C10orf90: variants seen among roughly 807,000 people sequenced by gnomAD.
C10orf90 encodes (E2-independent) E3 ubiquitin-conjugating enzyme FATS.
Under a neutral mutation model 62.5 loss-of-function variants are expected in C10orf90, and 56 were observed. The observed-to-expected ratio is 0.90, with a 90% CI of 0.72 to 1.12. The LOEUF is 1.12. Among genes scored for constraint, C10orf90 ranks in the 50% most tolerant of loss-of-function variants. The pLI is 0.00. For missense variants in C10orf90, 970 were observed against 880.4 expected (o/e 1.10, Z -1.29); for synonymous variants, 386 against 340.4 (o/e 1.13, Z -1.47).
At chr10:126,509,942 G>A (rs1332693316) in intron 3 of C10orf90, among the ~76,000 whole-genome samples, 2 of 152,166 alleles carry the variant, frequency 1.3e-5, no homozygotes, top group African/African-American at 4.8e-5. Context: ...TCTAGGAGGT[G>A]GAAATCTGAG....
chr10:126,568,060 C>T (rs556089881), intron 2 of C10orf90, among the ~76,000 whole-genome samples: 132 of 152,178 alleles, frequency 8.7e-4, no homozygotes, highest in Non-Finnish European at 1.6e-3. Context: ...TAGGCCACTT[C>T]CTAAGCTTAG....
chr10:126,614,732 G>A (rs1489231977), intron 2 of C10orf90, among the ~76,000 whole-genome samples: 2 of 152,188 alleles, frequency 1.3e-5, no homozygotes, highest in African/African-American at 4.8e-5. Flanking sequence ...GTTGCTCGAT[G>A]ACTCCAAAGG....
chr10:126,605,696 C>A (rs890756024), intron 2 of C10orf90, among the ~76,000 whole-genome samples: 21 of 152,256 alleles, frequency 1.4e-4, no homozygotes, highest in African/African-American at 4.6e-4. Flanking sequence ...TGGAGCCTGC[C>A]AGGCTGCCTG....
chr10:126,454,490 T>C (rs975783958), intron 7 of C10orf90, among the ~76,000 whole-genome samples: 1 of 151,828 alleles, frequency 6.6e-6, no homozygotes, highest in Non-Finnish European at 1.5e-5. Flanking sequence ...GCTGTGCCCC[T>C]ACGACCTGCA....
intron 7 of C10orf90, among the ~76,000 whole-genome samples, chr10:126,437,096 A>G (rs1045751956): frequency 2.6e-5 from 4 of 152,158 alleles, no homozygotes; most frequent in African/African-American, 9.7e-5. Context: ...CCTTACAGCA[A>G]CCTACTCAAG....
chr10:126,581,715 C>A lies in C10orf90; in HGVS notation c.313+64850G>T, dbSNP rs557423156. On this transcript the variant is annotated intron_variant, in intron 2 of 9. Coordinates refer to ENST00000488181, the MANE Select transcript of C10orf90 (RefSeq NM_001350921.2). ...GTGGCCTTGTAAAATATGCTGAACA[C>A]CTCTCTATTTAGAAAATTCCTCACG... 2.2e-4 allele frequency among the ~76,000 whole-genome samples: 33 copies of A among 152,306 alleles called. 1 individual carries two copies. The South Asian group carries it at 6.8e-3, about 32-fold the overall frequency.
intron 2 of C10orf90, among the ~76,000 whole-genome samples, chr10:126,623,604 G>A (rs903955781): frequency 2.0e-5 from 3 of 152,044 alleles, no homozygotes; most frequent in Non-Finnish European, 4.4e-5. Flanking sequence ...CACTTTGGGA[G>A]GCCAAAGTGG....
At position 126,487,142 on chromosome 10, in the gene C10orf90, CAAAAAAAAAAA is replaced by C. The variant is rs1158481155; in HGVS notation, c.1534+16804_1534+16814del. On this transcript the variant is annotated intron_variant, in intron 4 of 9. Coordinates refer to ENST00000488181, the MANE Select transcript of C10orf90 (RefSeq NM_001350921.2). ...CTGGGCAACAACAGTAAAACTCTGTCAAAAAAAAAAAAAAAAAAAAAAAAAAGAAAGAAAGA... is the reference window on the plus strand; with the variant it reads ...CTGGGCAACAACAGTAAAACTCTGTCAAAAAAAAAAAAAAAGAAAGAAAGA... Among the ~76,000 whole-genome samples the C allele has an allele frequency of 3.1e-3, 91 of 29,462 alleles. 2 individuals are homozygous for C. Among genetic ancestry groups the C allele is most frequent in the African/African-American group, 2.5e-3 (18 of 7,242 alleles). 19.3% of individuals were successfully genotyped at this position (29,462 alleles called of 152,430 possible).
chr10:126,653,523 C>G (rs1846332113), intron 1 of C10orf90, among the ~76,000 whole-genome samples: 1 of 152,236 alleles, frequency 6.6e-6, no homozygotes, highest in Non-Finnish European at 1.5e-5. Context: ...TCAGTCACAT[C>G]TTCAGGCTCC....
At chr10:126,652,538 T>G (rs1233344327) in intron 1 of C10orf90, among the ~76,000 whole-genome samples, 1 of 152,130 alleles carries the variant, frequency 6.6e-6, no homozygotes, top group Non-Finnish European at 1.5e-5. Flanking sequence ...TGGAGGTGCA[T>G]GGAGGAAGAC....
At chr10:126,514,018 T>G in intron 2 of C10orf90, 79 bp from the exon 3 acceptor site, 1 of 975,904 alleles carries the variant, frequency 1.0e-6, no homozygotes, top group East Asian at 2.6e-5. Context: ...CTGTAAAATT[T>G]AATGTCACCT....
chr10:126,591,078 C>T (rs1844969704), intron 2 of C10orf90, among the ~76,000 whole-genome samples: 1 of 151,970 alleles, frequency 6.6e-6, no homozygotes, highest in African/African-American at 2.4e-5. Flanking sequence ...AAAAACAGCC[C>T]AGGACCAGAT....
At chr10:126,613,284 G>A (rs1216326127) in intron 2 of C10orf90, among the ~76,000 whole-genome samples, 1 of 152,048 alleles carries the variant, frequency 6.6e-6, no homozygotes, top group Non-Finnish European at 1.5e-5. Context: ...ACCTAGGTTG[G>A]AGTGCAGTGG....
intron 2 of C10orf90, among the ~76,000 whole-genome samples, chr10:126,538,840 G>T (rs1429103437): frequency 1.3e-5 from 2 of 152,240 alleles, no homozygotes; most frequent in African/African-American, 2.4e-5. Context: ...GATCATGAAG[G>T]GTTTCCTCCA....
intron 2 of C10orf90, among the ~76,000 whole-genome samples, chr10:126,555,186 C>T (rs1864732701): frequency 6.6e-6 from 1 of 152,102 alleles, no homozygotes; most frequent in African/African-American, 2.4e-5. Flanking sequence ...CGTTTCATTC[C>T]TTACTAATTC....
intron 6 of C10orf90, among the ~76,000 whole-genome samples, chr10:126,460,431 C>T (rs935614940): frequency 6.6e-6 from 1 of 152,204 alleles, no homozygotes; most frequent in Non-Finnish European, 1.5e-5. Context: ...AGTGCCCAGG[C>T]GGAAGAAGTG....
intron 2 of C10orf90, among the ~76,000 whole-genome samples, chr10:126,597,704 A>T (rs1845114709): frequency 6.6e-6 from 1 of 152,186 alleles, no homozygotes; most frequent in Non-Finnish European, 1.5e-5. Context: ...TTAAGAGATC[A>T]CATCAAAAAA....
chr10:126,551,618 C>A (rs912882897), intron 2 of C10orf90, among the ~76,000 whole-genome samples: 11 of 152,108 alleles, frequency 7.2e-5, no homozygotes, highest in Admixed American at 4.6e-4. Context: ...CTCAGCAGAT[C>A]CAAGGAGCAT....
At chr10:126,632,298 C>T (rs1176780568) in intron 2 of C10orf90, among the ~76,000 whole-genome samples, 1 of 151,914 alleles carries the variant, frequency 6.6e-6, no homozygotes, top group Non-Finnish European at 1.5e-5. Context: ...GCCTCAGGCT[C>T]CCAAGCTAGC....
Sources: gnomAD v4.1 joint callset for allele counts (sites outside exome capture counted in the v4.1 genomes callset) on GRCh38, gnomAD v4.1.1 for gene constraint, MANE v1.5 for transcripts, NCBI Gene and HGNC (gene_info 2026-07-23, HGNC 2026-07-21) for gene names.